Variants in EPHA3 observed in about 807,000 individuals in gnomAD.
EPHA3 encodes the protein ephrin type-A receptor 3.
EPHA3 carries 42 observed loss-of-function variants against 107.1 expected under a neutral mutation model. That is an observed-to-expected ratio of 0.39 (90% CI 0.31 to 0.51). EPHA3 has a LOEUF of 0.51. Among genes scored for constraint, EPHA3 ranks in the 20% least tolerant of loss-of-function variants. The probability of loss-of-function intolerance (pLI) is 0.78; values close to 1 mark genes in which losing one functional copy is unlikely to be tolerated. For synonymous variants in EPHA3, 461 were observed against 424.8 expected, an observed-to-expected ratio of 1.09 and a Z score of -1.05; for missense variants, 1,183 against 1,211.2, an observed-to-expected ratio of 0.98 and a Z score of 0.35.
chr3:89,144,002 A>G (rs1407701017), intron 2 of EPHA3, among the ~76,000 whole-genome samples: 1 of 151,562 alleles, frequency 6.6e-6, no homozygotes, highest in South Asian at 2.1e-4. Flanking sequence ...ATTTACCCCC[A>G]CAGTTTCCTC....
rs367573076 is a variant in EPHA3 at position 89,450,351 on chromosome 3, A to T, written c.2671A>T (p.Ile891Phe). ...CCGGAATCCCGGCAGCCTGAAGATCATCACCAGTGCAGCCGCAAGGTGACA... is the reference window on the plus strand; with the variant it reads ...CCGGAATCCCGGCAGCCTGAAGATCTTCACCAGTGCAGCCGCAAGGTGACA... ...LIRNPGSLKI[I>F]TSAAARPSNL... is the part of the protein sequence containing the mutation. Residue 891 changes from isoleucine (I) to phenylalanine (F), a missense_variant, in exon 15 of 17, where the codon ATC (isoleucine) becomes TTC (phenylalanine). Coordinates refer to ENST00000336596, the MANE Select transcript of EPHA3 (RefSeq NM_005233.6). 1.2e-6 allele frequency: 2 copies of T among 1,613,552 alleles called. No individual in the cohort carries two copies. The highest frequency in any genetic ancestry group is 1.7e-6 in the Non-Finnish European group (2 of 1,179,734).
chr3:89,370,338 T>A (rs1048781180), intron 5 of EPHA3, among the ~76,000 whole-genome samples: 1 of 151,902 alleles, frequency 6.6e-6, no homozygotes, highest in Non-Finnish European at 1.5e-5. Flanking sequence ...TAAAAAATGA[T>A]GAGTTCATGT....
chr3:89,417,844 T>C (rs1709279222), intron 10 of EPHA3, among the ~76,000 whole-genome samples: 1 of 151,528 alleles, frequency 6.6e-6, no homozygotes, highest in Non-Finnish European at 1.5e-5. Context: ...AATAAATGCA[T>C]GAATATCTGC....
intron 9 of EPHA3, among the ~76,000 whole-genome samples, chr3:89,412,504 A>T (rs1321317943): frequency 6.6e-6 from 1 of 151,576 alleles, no homozygotes; most frequent in Non-Finnish European, 1.5e-5. Flanking sequence ...TGGTGTGTAT[A>T]CATGTATGTA....
chr3:89,194,365 T>C (rs1263992641), intron 2 of EPHA3, among the ~76,000 whole-genome samples: 2 of 152,152 alleles, frequency 1.3e-5, no homozygotes, highest in Non-Finnish European at 2.9e-5. Flanking sequence ...AGACTGACTT[T>C]ACAATTAGTC....
intron 2 of EPHA3, among the ~76,000 whole-genome samples, chr3:89,182,068 T>C (rs1705455016): frequency 1.3e-5 from 2 of 151,800 alleles, no homozygotes; most frequent in Non-Finnish European, 2.9e-5. Flanking sequence ...TTGATGACCA[T>C]ACTATCATAA....
At chr3:89,335,066 G>T (rs539673366) in intron 3 of EPHA3, among the ~76,000 whole-genome samples, 1 of 152,236 alleles carries the variant, frequency 6.6e-6, no homozygotes, top group South Asian at 2.1e-4. Flanking sequence ...CTTTTTAAAA[G>T]CTGGGATTTT....
intron 3 of EPHA3, among the ~76,000 whole-genome samples, chr3:89,304,127 A>G (rs1005974098): frequency 6.1e-5 from 9 of 147,772 alleles, no homozygotes; most frequent in African/African-American, 2.4e-4. Flanking sequence ...GTGGAAATTT[A>G]AAGGTCCTTG....
intron 3 of EPHA3, among the ~76,000 whole-genome samples, chr3:89,289,178 AC>A (rs113032366): frequency 6.6e-6 from 1 of 152,130 alleles, no homozygotes; most frequent in Admixed American, 6.6e-5. Flanking sequence ...ATCTCTATCT[AC>A]CATTGGTGAT....
At chr3:89,438,358 G>T (rs1298055435) in intron 13 of EPHA3, among the ~76,000 whole-genome samples, 3 of 151,978 alleles carry the variant, frequency 2.0e-5, no homozygotes, top group Non-Finnish European at 2.9e-5. Context: ...TGATCCGCCA[G>T]CCTCGGCCTC....
chr3:89,225,706 C>T (rs914140773), intron 3 of EPHA3, among the ~76,000 whole-genome samples: 7 of 152,136 alleles, frequency 4.6e-5, no homozygotes, highest in African/African-American at 1.4e-4. Context: ...AGAGCCTACC[C>T]TATTTTAGGT....
intron 3 of EPHA3, among the ~76,000 whole-genome samples, chr3:89,329,465 A>G (rs1379313631): frequency 6.6e-6 from 1 of 152,094 alleles, no homozygotes; most frequent in East Asian, 1.9e-4. Context: ...ATATTTGCCA[A>G]CTATAAGCAA....
chr3:89,409,746 T>C (rs1321382751), intron 9 of EPHA3, among the ~76,000 whole-genome samples: 2 of 152,042 alleles, frequency 1.3e-5, no homozygotes, highest in African/African-American at 2.4e-5. Context: ...TTTAAAAAGC[T>C]CTAGCTACGA....
intron 3 of EPHA3, among the ~76,000 whole-genome samples, chr3:89,302,902 A>T (rs1414596532): frequency 2.6e-5 from 4 of 151,788 alleles, no homozygotes; most frequent in Admixed American, 6.6e-5. Flanking sequence ...TATTTTATTT[A>T]ATTTTTTTGA....
chr3:89,133,353 A>T (rs1704246314), intron 2 of EPHA3, among the ~76,000 whole-genome samples: 1 of 152,202 alleles, frequency 6.6e-6, no homozygotes, highest in African/African-American at 2.4e-5. Context: ...TGGACCACGA[A>T]TTTTAAATCA....
intron 13 of EPHA3, among the ~76,000 whole-genome samples, chr3:89,435,208 T>C (rs992660112): frequency 2.0e-5 from 3 of 151,958 alleles, no homozygotes; most frequent in African/African-American, 4.8e-5. Context: ...GGAATTTCTC[T>C]TTTGGAATTA....
chr3:89,314,218 A>C (rs1706838889), intron 3 of EPHA3, among the ~76,000 whole-genome samples: 1 of 151,836 alleles, frequency 6.6e-6, no homozygotes, highest in African/African-American at 2.4e-5. Context: ...CTTCACCATA[A>C]AATAATCAGC....
intron 5 of EPHA3, among the ~76,000 whole-genome samples, chr3:89,358,359 A>T (rs1708012209): frequency 6.6e-6 from 1 of 151,186 alleles, no homozygotes; most frequent in African/African-American, 2.4e-5. Context: ...TCTAAAAAAA[A>T]ACCCATTTAG....
At chr3:89,276,933 GT>G (rs1303400242) in intron 3 of EPHA3, among the ~76,000 whole-genome samples, 2 of 152,190 alleles carry the variant, frequency 1.3e-5, no homozygotes, top group African/African-American at 4.8e-5. Context: ...CAATTTAACA[GT>G]TTTCAATGAG....
Sources: gnomAD v4.1 joint callset for allele counts (sites outside exome capture counted in the v4.1 genomes callset) on GRCh38, gnomAD v4.1.1 for gene constraint, MANE v1.5 for transcripts, NCBI Gene and HGNC (gene_info 2026-07-23, HGNC 2026-07-21) for gene names.